The following FBXO10 variants were observed in gnomAD, a reference collection of about 807,000 sequenced individuals.
The protein encoded by FBXO10 is F-box only protein 10.
FBXO10 carries 39 observed loss-of-function variants against 80.7 expected under a neutral mutation model. The ratio of observed to expected loss-of-function variants is 0.48; its 90% confidence interval spans 0.37 to 0.63. The LOEUF (loss-of-function observed/expected upper bound fraction) is 0.63, where lower values mean the gene tolerates loss of function less well. FBXO10 is among the 30% of genes least tolerant of loss of function. The probability of loss-of-function intolerance (pLI) is 0.00; values close to 1 mark genes in which losing one functional copy is unlikely to be tolerated. For synonymous variants in FBXO10, 449 were observed against 489.6 expected (o/e 0.92, Z 1.09); for missense variants, 1,025 against 1,269.0 (o/e 0.81, Z 2.92).
At chr9:37,525,251 T>C in intron 5 of FBXO10, 79 bp from the exon 6 acceptor site, 1 of 1,334,452 alleles carries the variant, frequency 7.5e-7, no homozygotes, top group Non-Finnish European at 1.0e-6. Flanking sequence ...CCTTCTTTCA[T>C]GGAAACCCTG....
Position 37,539,509 on chromosome 9 carries a change from T to C in FBXO10, c.586-1566A>G, listed in dbSNP as rs567345825. On this transcript the variant is annotated intron_variant, in intron 2 of 10. Coordinates refer to ENST00000432825, the MANE Select transcript of FBXO10 (RefSeq NM_012166.3). ...CAAGTCTAACGCCAGGCCTCATCCC[T>C]TGAGGATCTATGACTATACTTCTGA... 5.9e-5 allele frequency among the ~76,000 whole-genome samples: 9 copies of C among 152,360 alleles called. No individual in the cohort carries two copies. The South Asian group carries it at 1.9e-3, about 32-fold the overall frequency.
chr9:37,524,494 G>A (rs946377131), intron 6 of FBXO10, among the ~76,000 whole-genome samples: 20 of 152,122 alleles, frequency 1.3e-4, no homozygotes, highest in African/African-American at 3.6e-4. Context: ...CAGTATTTGC[G>A]GAATCCCTTT....
In FBXO10 at chr9:37,511,423, C is replaced by G. The variant is rs1255298557; in HGVS notation, c.*1124G>C. The G allele has an allele frequency of 2.0e-5, 3 of 153,034 alleles. No individual in the cohort carries two copies. The highest frequency in any genetic ancestry group is 6.5e-5 in the Admixed American group (1 of 15,294). 9.5% of individuals were successfully genotyped at this position (153,034 alleles called of 1,614,324 possible). A position where few individuals can be genotyped will look rare whatever the true frequency, so the allele number is the denominator to read the frequency against. ...ACCCCAGGCTGGATCTGGGGACACA[C>G]AGTCAGAAGTGGCCCTACCTACGGG... On this transcript the variant is annotated 3_prime_UTR_variant, in exon 11 of 11. Transcript: ENST00000432825.
At chr9:37,512,962 TC>T (rs1298637389) in intron 10 of FBXO10, among the ~76,000 whole-genome samples, 1 of 152,228 alleles carries the variant, frequency 6.6e-6, no homozygotes, top group Admixed American at 6.5e-5. Context: ...TTGGACAAGG[TC>T]CCTCTGTAGG....
chr9:37,565,737 A>G (rs977475790), intron 1 of FBXO10, among the ~76,000 whole-genome samples: 6 of 152,360 alleles, frequency 3.9e-5, no homozygotes, highest in African/African-American at 1.4e-4. Flanking sequence ...GTGCAGAACC[A>G]CTGAAGCCCA....
intron 1 of FBXO10, among the ~76,000 whole-genome samples, chr9:37,559,840 C>A (rs1255560810): frequency 6.6e-6 from 1 of 152,220 alleles, no homozygotes; most frequent in African/African-American, 2.4e-5. Flanking sequence ...AGATCCCGAC[C>A]AAGCCAAGAT....
rs187304534 is a variant in FBXO10 at position 37,525,098 on chromosome 9, G to A, written c.1777+4C>T. On this transcript the variant is annotated splice_donor_region_variant and intron_variant, in intron 6 of 10. Transcript: ENST00000432825. The stretch of plus-strand genomic sequence containing the variant: ...GCCAGGTGCCAGGCAGTTCCCATCC[G>A]TACCTGTGATGAGGCCTTTGCCGTT... 7.4e-4 allele frequency: 1,158 copies of A among 1,558,198 alleles called. 5 individuals are homozygous for A. In the African/African-American group the frequency reaches 0.013, roughly 18 times the overall value.
intron 6 of FBXO10, among the ~76,000 whole-genome samples, 160 bp downstream of exon 6, chr9:37,524,942 C>T (rs1202251254): frequency 3.9e-5 from 6 of 152,208 alleles, no homozygotes; most frequent in African/African-American, 1.4e-4. Context: ...GTAAGAAGCA[C>T]AGCCACCATG....
intron 2 of FBXO10, among the ~76,000 whole-genome samples, chr9:37,538,811 G>A (rs1053802465): frequency 6.6e-6 from 1 of 152,066 alleles, no homozygotes; most frequent in African/African-American, 2.4e-5. Context: ...TCTGCAGCAT[G>A]GGGCTCACTA....
At chr9:37,529,033 T>G (rs1821547546) in intron 5 of FBXO10, 91 bp downstream of exon 5, 2 of 1,527,158 alleles carry the variant, frequency 1.3e-6, no homozygotes, top group Admixed American at 1.9e-5. Context: ...TGCTTGCATC[T>G]GTACAGTTGT....
At chr9:37,545,240 G>A (rs1297089378) in intron 1 of FBXO10, among the ~76,000 whole-genome samples, 4 of 135,882 alleles carry the variant, frequency 2.9e-5, no homozygotes, top group East Asian at 2.4e-4. Context: ...GCAGTGGTGC[G>A]ATCTCGGCTC....
In FBXO10 at chr9:37,545,637, T is replaced by C. The variant is rs148363393; in HGVS notation, c.-6-3863A>G. On this transcript the variant is annotated intron_variant, in intron 1 of 10. Coordinates refer to ENST00000432825, the MANE Select transcript of FBXO10 (RefSeq NM_012166.3). ...TCATCTTTCTAGCTCCACACGTGAA[T>C]ACCCAATTCTCTTTTGGGCATTTCT... Among the ~76,000 whole-genome samples, 41 of 152,342 alleles carry C rather than the reference T, an allele frequency of 2.7e-4. No individual in the cohort carries two copies. In the Middle Eastern group the frequency reaches 0.01, roughly 38 times the overall value.
At chr9:37,539,107 T>A (rs1821853764) in intron 2 of FBXO10, among the ~76,000 whole-genome samples, 1 of 152,234 alleles carries the variant, frequency 6.6e-6, no homozygotes, top group Admixed American at 6.5e-5. Context: ...AGGGAGTATC[T>A]CATGATTCCA....
intron 10 of FBXO10, among the ~76,000 whole-genome samples, chr9:37,514,578 G>A (rs7020950): frequency 0.06 from 9,141 of 152,184 alleles, 715 homozygotes; most frequent in African/African-American, 0.18. Flanking sequence ...GCTCACACCT[G>A]TAATCTCAAT....
At chr9:37,557,093 T>A (rs1822355139) in intron 1 of FBXO10, among the ~76,000 whole-genome samples, 2 of 152,216 alleles carry the variant, frequency 1.3e-5, no homozygotes. Flanking sequence ...ATTATTCCAA[T>A]ACTGGGTCTA....
At chr9:37,560,641 A>ATTTTAT (rs386414937) in intron 1 of FBXO10, among the ~76,000 whole-genome samples, 7 of 151,432 alleles carry the variant, frequency 4.6e-5, no homozygotes, top group South Asian at 2.1e-4. Flanking sequence ...TTTTTATTTT[A>ATTTTAT]TTTTTTTTAA....
chr9:37,528,107 A>G (rs1821519123), intron 5 of FBXO10, among the ~76,000 whole-genome samples: 1 of 152,198 alleles, frequency 6.6e-6, no homozygotes, highest in Non-Finnish European at 1.5e-5. Flanking sequence ...CTATTCTCCT[A>G]AAGCACAGAC....
At chr9:37,545,061 C>CT (rs1252565640) in intron 1 of FBXO10, among the ~76,000 whole-genome samples, 1 of 150,296 alleles carries the variant, frequency 6.7e-6, no homozygotes, top group African/African-American at 2.5e-5. Flanking sequence ...AGGGGAAAGG[C>CT]TGGGCTCCTG....
chr9:37,559,700 T>C (rs536593558), intron 1 of FBXO10, among the ~76,000 whole-genome samples: 1 of 152,342 alleles, frequency 6.6e-6, no homozygotes, highest in African/African-American at 2.4e-5. Flanking sequence ...GCGTTACTTC[T>C]CGACTAGAGC....
Sources: allele counts gnomAD v4.1 joint callset (sites outside exome capture counted in the v4.1 genomes callset), GRCh38; gene constraint gnomAD v4.1.1; transcripts MANE v1.5; gene names NCBI Gene and HGNC (gene_info 2026-07-23, HGNC 2026-07-21).